NEK4: variants seen among roughly 807,000 people sequenced by gnomAD.
NEK4 encodes the protein NIMA related kinase 4.
NEK4 carries 86 observed loss-of-function variants against 98.4 expected under a neutral mutation model. The ratio of observed to expected loss-of-function variants is 0.87; its 90% CI spans 0.73 to 1.05. The LOEUF is 1.05. Among genes scored for constraint, NEK4 ranks in the 50% least tolerant of loss-of-function variants. The probability of loss-of-function intolerance (pLI) is 0.00; values close to 1 mark genes in which losing one functional copy is unlikely to be tolerated. For missense variants in NEK4, 898 were observed against 950.3 expected (o/e 0.94, Z 0.72); for synonymous variants, 328 against 342.2 (o/e 0.96, Z 0.46).
chr3:52,712,481 T>A (rs539304016), intron 15 of NEK4, among the ~76,000 whole-genome samples: 2 of 152,194 alleles, frequency 1.3e-5, no homozygotes, highest in African/African-American at 4.8e-5. Flanking sequence ...AGTTTAGCCA[T>A]CTGTAGGCAG....
chr3:52,768,017 C>T (rs935210885), intron 2 of NEK4, among the ~76,000 whole-genome samples: 1 of 152,218 alleles, frequency 6.6e-6, no homozygotes, highest in Non-Finnish European at 1.5e-5. Flanking sequence ...CAGCATGACA[C>T]GACTGACCAA....
chr3:52,729,390 C>T lies in NEK4; in HGVS notation c.2433+8196G>A, dbSNP rs754200084. Among the ~76,000 whole-genome samples, 5 of 151,782 alleles carry T rather than the reference C, an allele frequency of 3.3e-5. No homozygotes were observed. The East Asian group carries it at 5.8e-4, about 18-fold the overall frequency. On this transcript the variant is annotated intron_variant, in intron 15 of 15. Coordinates refer to ENST00000233027, the MANE Select transcript of NEK4 (RefSeq NM_003157.6). The stretch of plus-strand genomic sequence containing the variant: ...CTGCACTCCAGCCTGGGGGATGGAG[C>T]GAAAGCCTGTTTCAAATATTTTAAA...
chr3:52,712,515 T>A (rs2154101672), intron 15 of NEK4, among the ~76,000 whole-genome samples: 1 of 152,354 alleles, frequency 6.6e-6, no homozygotes, highest in South Asian at 2.1e-4. Context: ...AATTAGACCC[T>A]TGCCCTATCT....
At chr3:52,743,578 G>A in intron 11 of NEK4, 117 bp from the exon 12 acceptor site, 2 of 703,658 alleles carry the variant, frequency 2.8e-6, no homozygotes, top group Non-Finnish European at 2.5e-6. Flanking sequence ...AAGTCAAACA[G>A]CATATTTATC....
chr3:52,752,955 A>ACACACACACAC (rs1559441493), intron 6 of NEK4, among the ~76,000 whole-genome samples: 3 of 126,056 alleles, frequency 2.4e-5, no homozygotes, highest in African/African-American at 1.0e-4. Context: ...CACACACACA[A>ACACACACACAC]TGGAATATTT....
At chr3:52,725,005 T>C (rs1482660430) in intron 15 of NEK4, among the ~76,000 whole-genome samples, 3 of 152,188 alleles carry the variant, frequency 2.0e-5, no homozygotes, top group Non-Finnish European at 4.4e-5. Context: ...GATAAACAGA[T>C]GGGCAACTAT....
chr3:52,728,158 AGCCCAAGGGT>A (rs1415614698), intron 15 of NEK4, among the ~76,000 whole-genome samples: 1 of 152,226 alleles, frequency 6.6e-6, no homozygotes, highest in African/African-American at 2.4e-5. Context: ...GGATCACTTG[AGCCCAAGGGT>A]TCAAGACCAG....
In NEK4 at chr3:52,711,677, CAG is replaced by C. The variant is rs1396103138; in HGVS notation, c.*98_*99del. On this transcript the variant is annotated 3_prime_UTR_variant, in exon 16 of 16. Coordinates refer to ENST00000233027, the MANE Select transcript of NEK4 (RefSeq NM_003157.6). Reference sequence around the variant, plus strand: ...AGAGATATAAAAAAGAGATATAAAACAGTGGTGAGTGGCTTCCAAATGACTGT... The same window carrying C: ...AGAGATATAAAAAAGAGATATAAAACTGGTGAGTGGCTTCCAAATGACTGT... The C allele has an allele frequency of 1.4e-5, 10 of 704,776 alleles. No homozygotes were observed. The highest frequency in any genetic ancestry group is 1.3e-4 in the East Asian group (5 of 39,172). The allele number at this position is 704,776 out of a possible 1,614,324, so 43.7% of individuals were successfully genotyped here.
At chr3:52,744,183 G>T in intron 11 of NEK4, 56 bp downstream of exon 11, 1 of 1,264,864 alleles carries the variant, frequency 7.9e-7, no homozygotes, top group Non-Finnish European at 1.2e-6. Context: ...CAGTGTTTCT[G>T]TCCACGAACC....
chr3:52,762,541 A>G (rs1395968547), intron 5 of NEK4, among the ~76,000 whole-genome samples: 1 of 152,212 alleles, frequency 6.6e-6, no homozygotes, highest in Non-Finnish European at 1.5e-5. Flanking sequence ...AAATTTCAAC[A>G]TGTATTTGAA....
chr3:52,746,251 G>T, intron 9 of NEK4, 41 bp from the exon 10 acceptor site: 1 of 1,582,172 alleles, frequency 6.3e-7, no homozygotes, highest in Non-Finnish European at 8.7e-7. Flanking sequence ...TTCATATATA[G>T]CCCCTTCCAA....
At position 52,763,487 on chromosome 3, in the gene NEK4, AAAG is replaced by A. The variant is rs745343217; in HGVS notation, c.801_803del (p.Phe268del). On this transcript the variant is annotated inframe_deletion, in exon 5 of 16. Coordinates refer to ENST00000233027, the MANE Select transcript of NEK4 (RefSeq NM_003157.6). ...TATCTTACATCTTTGTGGCCTCCAA[AAAG>A]AAGGAGATTTGCCGCTTTATATAAG... The A allele has an allele frequency of 4.7e-4, 754 of 1,612,870 alleles. 1 individual carries two copies. The highest frequency in any genetic ancestry group is 6.0e-4 in the Non-Finnish European group (712 of 1,179,610).
intron 15 of NEK4, among the ~76,000 whole-genome samples, chr3:52,728,236 C>T (rs1353002058): frequency 1.3e-5 from 2 of 152,140 alleles, no homozygotes; most frequent in East Asian, 1.9e-4. Flanking sequence ...ATTAGCTGCA[C>T]GTGGTGCCCC....
Position 52,763,496 on chromosome 3 carries a change from G to C in NEK4, c.795C>G (p.Ile265Met). The C allele has an allele frequency of 6.2e-7, 1 of 1,613,344 alleles. No homozygotes were observed. Among genetic ancestry groups the C allele is most frequent in the Non-Finnish European group, 8.5e-7 (1 of 1,179,732 alleles). Residue 265 changes from isoleucine to methionine, a missense_variant, in exon 5 of 16, where the codon ATC becomes ATG. By Grantham distance (10) the Ile-to-Met change is conservative. Transcript: ENST00000233027. ...ILRQPYIKRQ[I>M]SFFLEATKIK... is the part of the protein sequence containing the mutation. The stretch of plus-strand genomic sequence containing the variant: ...TCTTTGTGGCCTCCAAAAAGAAGGA[G>C]ATTTGCCGCTTTATATAAGGCTGCC...
At chr3:52,749,432 C>A (rs764960310) in intron 8 of NEK4, among the ~76,000 whole-genome samples, 5 of 151,456 alleles carry the variant, frequency 3.3e-5, no homozygotes, top group Admixed American at 6.6e-5. Context: ...CATTCCTGGA[C>A]GGGAGACAAT....
intron 4 of NEK4, 150 bp downstream of exon 4, chr3:52,765,737 C>G (rs1698533728): frequency 3.5e-6 from 2 of 575,878 alleles, no homozygotes; most frequent in South Asian, 4.2e-5. Flanking sequence ...GTCTGACCTT[C>G]CCCACAGAAG....
At chr3:52,753,318 T>C (rs528163355) in intron 6 of NEK4, among the ~76,000 whole-genome samples, 6 of 152,016 alleles carry the variant, frequency 3.9e-5, no homozygotes, top group African/African-American at 1.4e-4. Context: ...AGAAAAGAAG[T>C]AAGCCAGGAC....
intron 15 of NEK4, among the ~76,000 whole-genome samples, chr3:52,716,904 AAG>A (rs2097355629): frequency 6.6e-6 from 1 of 152,196 alleles, no homozygotes. Flanking sequence ...CAGGCCAGTG[AAG>A]GCAAGAACAC....
chr3:52,721,217 G>A (rs1373661488), intron 15 of NEK4, among the ~76,000 whole-genome samples: 1 of 152,148 alleles, frequency 6.6e-6, no homozygotes, highest in Non-Finnish European at 1.5e-5. Flanking sequence ...CAAGTATCAG[G>A]GATCTCTGTA....
Sources: allele counts gnomAD v4.1 joint callset (sites outside exome capture counted in the v4.1 genomes callset), GRCh38; gene constraint gnomAD v4.1.1; transcripts MANE v1.5; gene names NCBI Gene and HGNC (gene_info 2026-07-23, HGNC 2026-07-21).